ELMO1: variants seen among roughly 807,000 people sequenced by gnomAD.
ELMO1 encodes engulfment and cell motility protein 1.
A neutral mutation model predicts 98.9 loss-of-function variants in ELMO1; 26 were observed. The ratio of observed to expected loss-of-function variants is 0.26; its 90% CI spans 0.19 to 0.36. The LOEUF is 0.36. Ranked by LOEUF, ELMO1 falls within the 10% of genes least tolerant of loss-of-function variation. The pLI, the probability that ELMO1 is intolerant of heterozygous loss-of-function variation, is 1.00. For synonymous variants in ELMO1, 346 were observed against 346.0 expected, an observed-to-expected ratio of 1.00 and a Z score of 0.00; for missense variants, 627 against 935.2, an observed-to-expected ratio of 0.67 and a Z score of 4.30.
chr7:37,386,270 AG>A (rs1802798416), intron 1 of ELMO1, among the ~76,000 whole-genome samples: 1 of 151,498 alleles, frequency 6.6e-6, no homozygotes, highest in Non-Finnish European at 1.5e-5. Flanking sequence ...CTGGGGAGGG[AG>A]GGCTGGAGGG....
chr7:36,919,493 C>G (rs772176234), intron 16 of ELMO1: 2 of 464,408 alleles, frequency 4.3e-6, no homozygotes, highest in Non-Finnish European at 9.4e-6. Flanking sequence ...AAACCTGGTT[C>G]TCTCACTTAT....
At position 37,130,933 on chromosome 7, in the gene ELMO1, G is replaced by A. The variant is rs7793396; in HGVS notation, c.1191+2197C>T. 2.4e-3 allele frequency among the ~76,000 whole-genome samples: 368 copies of A among 152,086 alleles called. 1 individual carries two copies. The highest frequency in any genetic ancestry group is 7.9e-3 in the African/African-American group (327 of 41,482). The stretch of plus-strand genomic sequence containing the variant: ...AGAAGATATACATCCTCAAAAAGGC[G>A]GATTTTTATCAAAATGCAAATTGAA... On this transcript the variant is annotated intron_variant, in intron 14 of 21. Coordinates refer to ENST00000310758, the MANE Select transcript of ELMO1 (RefSeq NM_014800.11).
chr7:37,199,642 T>G (rs1248146518), intron 13 of ELMO1, among the ~76,000 whole-genome samples: 1 of 152,000 alleles, frequency 6.6e-6, no homozygotes, highest in Non-Finnish European at 1.5e-5. Flanking sequence ...ACCAAACAGA[T>G]GGAAATGGTG....
At chr7:37,134,422 G>T (rs1787126724) in intron 13 of ELMO1, among the ~76,000 whole-genome samples, 1 of 151,994 alleles carries the variant, frequency 6.6e-6, no homozygotes, top group African/African-American at 2.4e-5. Context: ...AGCTGGGTGT[G>T]GTGGCGCGCG....
intron 5 of ELMO1, among the ~76,000 whole-genome samples, chr7:37,267,157 C>T (rs1796309225): frequency 6.6e-6 from 1 of 151,522 alleles, no homozygotes; most frequent in South Asian, 2.1e-4. Flanking sequence ...TTGTGGGTAT[C>T]CCTTGAGAAA....
intron 21 of ELMO1, among the ~76,000 whole-genome samples, chr7:36,861,255 T>C (rs1050860197): frequency 1.3e-5 from 2 of 152,136 alleles, no homozygotes; most frequent in Non-Finnish European, 1.5e-5. Flanking sequence ...CCTCTTAAAA[T>C]AGCTTAAAGA....
chr7:36,889,470 C>T (rs1201744526), intron 17 of ELMO1, among the ~76,000 whole-genome samples: 1 of 152,212 alleles, frequency 6.6e-6, no homozygotes, highest in Non-Finnish European at 1.5e-5. Flanking sequence ...CTCCCAACTT[C>T]CAAGTCCAGG....
chr7:36,980,461 A>G (rs1239549590), intron 16 of ELMO1, among the ~76,000 whole-genome samples: 1 of 152,228 alleles, frequency 6.6e-6, no homozygotes, highest in Non-Finnish European at 1.5e-5. Flanking sequence ...GGAAGTCACC[A>G]AGTCTAAACT....
chr7:37,396,612 T>C (rs911864798), intron 1 of ELMO1, among the ~76,000 whole-genome samples: 16 of 152,218 alleles, frequency 1.1e-4, no homozygotes, highest in African/African-American at 3.1e-4. Flanking sequence ...CCATTTTCTA[T>C]AGGTATTCAT....
chr7:37,176,360 G>C (rs549682499), intron 13 of ELMO1, among the ~76,000 whole-genome samples: 1 of 152,154 alleles, frequency 6.6e-6, no homozygotes, highest in African/African-American at 2.4e-5. Context: ...GCTAAAAATA[G>C]TCACAAATAA....
At chr7:37,244,233 C>CA (rs1301054590) in intron 7 of ELMO1, 123 bp downstream of exon 7, 2 of 1,031,708 alleles carry the variant, frequency 1.9e-6, no homozygotes, top group East Asian at 5.3e-5. Context: ...ACAAAAATAA[C>CA]AAAAAATCAC....
chr7:36,901,195 C>T (rs1806478909), intron 16 of ELMO1, among the ~76,000 whole-genome samples: 1 of 152,082 alleles, frequency 6.6e-6, no homozygotes. Context: ...ATAGTTTTGC[C>T]AGATCAGGGA....
intron 13 of ELMO1, among the ~76,000 whole-genome samples, chr7:37,171,524 G>C (rs958893017): frequency 9.5e-6 from 1 of 104,720 alleles, no homozygotes; most frequent in Non-Finnish European, 1.7e-5. Context: ...ACAGAGTCTC[G>C]CTCTGTCACC....
intron 4 of ELMO1, among the ~76,000 whole-genome samples, chr7:37,283,479 C>T (rs1562580823): frequency 1.3e-5 from 2 of 152,124 alleles, no homozygotes; most frequent in Admixed American, 6.5e-5. Flanking sequence ...ATCTCTAATA[C>T]CCCAGGATAA....
intron 13 of ELMO1, among the ~76,000 whole-genome samples, chr7:37,201,645 T>G (rs2130312294): frequency 6.6e-6 from 1 of 152,314 alleles, no homozygotes; most frequent in South Asian, 2.1e-4. Context: ...CCTTTAAACT[T>G]TAAACAACTT....
chr7:36,917,664 A>G (rs1396534897), intron 16 of ELMO1, among the ~76,000 whole-genome samples: 1 of 152,188 alleles, frequency 6.6e-6, no homozygotes, highest in African/African-American at 2.4e-5. Flanking sequence ...GGGAACTCTG[A>G]TTTGTTTCTA....
chr7:36,901,730 G>C (rs991639115), intron 16 of ELMO1, among the ~76,000 whole-genome samples: 2 of 152,120 alleles, frequency 1.3e-5, no homozygotes, highest in Admixed American at 6.5e-5. Flanking sequence ...TTAGGATTAA[G>C]AGATGTAGAG....
At chr7:37,198,083 G>A (rs1200735163) in intron 13 of ELMO1, among the ~76,000 whole-genome samples, 2 of 152,168 alleles carry the variant, frequency 1.3e-5, no homozygotes. Flanking sequence ...TCGGCCATGT[G>A]CCTACATGCT....
At position 37,278,738 on chromosome 7, in the gene ELMO1, A is replaced by T. The variant is rs1796985084; in HGVS notation, c.193-6856T>A. Among the ~76,000 whole-genome samples the T allele has an allele frequency of 2.0e-5, 3 of 152,292 alleles. No individual in the cohort carries two copies. In the South Asian group the frequency reaches 6.2e-4, roughly 32 times the overall value. ...CTGCATCTCTAGTGGAGTCCTGATGAATTCACCTCTGCCTGAGACACTGAC... is the reference window on the plus strand; with the variant it reads ...CTGCATCTCTAGTGGAGTCCTGATGTATTCACCTCTGCCTGAGACACTGAC... On this transcript the variant is annotated intron_variant, in intron 4 of 21. Transcript: ENST00000310758.
Sources: gnomAD v4.1 joint callset for allele counts (sites outside exome capture counted in the v4.1 genomes callset) on GRCh38, gnomAD v4.1.1 for gene constraint, MANE v1.5 for transcripts, NCBI Gene and HGNC (gene_info 2026-07-23, HGNC 2026-07-21) for gene names.